Variants in THOC2 observed in about 807,000 individuals in gnomAD.
THOC2 encodes the protein THO complex subunit 2, also known as THO complex 2.
Under a neutral mutation model 128.4 loss-of-function variants are expected in THOC2, and 10 were observed. The observed-to-expected ratio is 0.08, with a 90% CI of 0.05 to 0.13. The LOEUF (loss-of-function observed/expected upper bound fraction) is 0.13. Among genes scored for constraint, THOC2 ranks in the 10% least tolerant of loss-of-function variants. The pLI is 1.00. For synonymous variants in THOC2, 393 were observed against 396.9 expected, an observed-to-expected ratio of 0.99 and a Z score of 0.12; for missense variants, 535 against 1,155.7, an observed-to-expected ratio of 0.46 and a Z score of 7.79.
At chrX:123,703,725 C>CAAAAAAA in intron 3 of THOC2, among the ~76,000 whole-genome samples, 1 of 29,771 alleles carries the variant, frequency 3.4e-5, no homozygotes, top group Non-Finnish European at 5.4e-5. Context: ...CCATCTCTAC[C>CAAAAAAA]AAAAAAAAAA....
chrX:123,669,409 T>C (rs2049174115), intron 9 of THOC2, among the ~76,000 whole-genome samples: 1 of 109,631 alleles, frequency 9.1e-6, no homozygotes, highest in Non-Finnish European at 1.9e-5. Context: ...AATCTCTGCC[T>C]CCCGGCTTCA....
intron 5 of THOC2, among the ~76,000 whole-genome samples, chrX:123,697,342 C>T (rs191784566): frequency 8.9e-6 from 1 of 112,314 alleles, no homozygotes. Context: ...TTACTCTTTG[C>T]TTAACAGTTT....
At chrX:123,698,975 G>A (rs778228104) in intron 4 of THOC2, among the ~76,000 whole-genome samples, 1 of 110,900 alleles carries the variant, frequency 9.0e-6, no homozygotes, top group East Asian at 2.8e-4. Flanking sequence ...TTTAAAAACT[G>A]AGAGTTTCAG....
At chrX:123,609,134 G>A (rs2046600635) in intron 38 of THOC2, among the ~76,000 whole-genome samples, 1 of 111,852 alleles carries the variant, frequency 8.9e-6, no homozygotes, top group African/African-American at 3.3e-5. Flanking sequence ...GATATGAAAG[G>A]TGGGCTTTTT....
chrX:123,652,410 T>C (rs1369720414), intron 12 of THOC2, among the ~76,000 whole-genome samples: 2 of 111,684 alleles, frequency 1.8e-5, no homozygotes, highest in African/African-American at 3.3e-5. Flanking sequence ...CTATTCAACA[T>C]AGTATTGGAA....
At chrX:123,651,421 T>C (rs5958279) in intron 12 of THOC2, among the ~76,000 whole-genome samples, 46,955 of 109,850 alleles carry the variant, frequency 0.43, 8,283 homozygotes, top group East Asian at 0.68. Flanking sequence ...AAACTCAAAA[T>C]CTAGCAGAAG....
intron 3 of THOC2, among the ~76,000 whole-genome samples, chrX:123,705,690 T>A (rs1033714312): frequency 4.9e-4 from 54 of 110,148 alleles, no homozygotes; most frequent in African/African-American, 1.6e-3. Flanking sequence ...CAGCTAAACT[T>A]AGAATTTCCT....
In THOC2 at chrX:123,659,447, T is replaced by C. The variant is rs192884433; in HGVS notation, c.1386+6195A>G. 7.0e-3 allele frequency among the ~76,000 whole-genome samples: 787 copies of C among 112,439 alleles called. 10 individuals carry two copies. The highest frequency in any genetic ancestry group is 0.024 in the African/African-American group (748 of 30,956). ...GTAGCTGGGCACGGTGGCGCGTGCC[T>C]GTAGTCCCAGCTACTTGGGAGGCTG... On this transcript the variant is annotated intron_variant, in intron 12 of 38. Transcript: ENST00000245838.
chrX:123,691,940 A>AGCTGTTTTTAC lies in THOC2; in HGVS notation c.601+4070_601+4080dup, dbSNP rs1048481545. 4.6e-4 allele frequency among the ~76,000 whole-genome samples: 52 copies of AGCTGTTTTTAC among 112,066 alleles called. 1 individual carries two copies. Among genetic ancestry groups the AGCTGTTTTTAC allele is most frequent in the African/African-American group, 1.7e-3 (51 of 30,871 alleles). The stretch of plus-strand genomic sequence containing the variant: ...TCACATTTATTTATGTACTATCTAT[A>AGCTGTTTTTAC]GCTGTTTTTACGCTGTTTTTACACT... On this transcript the variant is annotated intron_variant, in intron 7 of 38. Coordinates refer to ENST00000245838, the MANE Select transcript of THOC2 (RefSeq NM_001081550.2).
intron 1 of THOC2, among the ~76,000 whole-genome samples, chrX:123,726,077 C>T (rs2051967077): frequency 9.0e-6 from 1 of 111,046 alleles, no homozygotes; most frequent in Non-Finnish European, 1.9e-5. Flanking sequence ...GGCTTGGTGG[C>T]CAATGCCTGT....
chrX:123,605,573 AGTATAGGTTCCC>A (rs1230022140), intron 38 of THOC2, among the ~76,000 whole-genome samples: 2 of 111,366 alleles, frequency 1.8e-5, no homozygotes, highest in Non-Finnish European at 3.8e-5. Context: ...TCTTTTAATC[AGTATAGGTTCCC>A]TTCCTATAAA....
At chrX:123,704,815 G>A (rs1460980286) in intron 3 of THOC2, among the ~76,000 whole-genome samples, 2 of 111,785 alleles carry the variant, frequency 1.8e-5, no homozygotes, top group Non-Finnish European at 3.8e-5. Context: ...CCAAGATTGT[G>A]CCACTGCACT....
chrX:123,642,935 CAT>C (rs2047985293), intron 15 of THOC2, among the ~76,000 whole-genome samples: 1 of 111,085 alleles, frequency 9.0e-6, no homozygotes, highest in Non-Finnish European at 1.9e-5. Context: ...CATGTAAACA[CAT>C]AAACTATTCA....
At chrX:123,721,495 A>G (rs2051694361) in intron 1 of THOC2, among the ~76,000 whole-genome samples, 1 of 105,940 alleles carries the variant, frequency 9.4e-6, no homozygotes, top group African/African-American at 3.5e-5. Context: ...TTTTAAGAAC[A>G]CATCCTTTTG....
rs753366301 is a variant in THOC2 at position 123,638,727 on chromosome X, TACAC to T, written c.1840+203_1840+206del. ...TTTATACAACACAAAGACACACACG[TACAC>T]ACACACACACACACACACACTCTCT... On this transcript the variant is annotated intron_variant, in intron 17 of 38. Coordinates refer to ENST00000245838, the MANE Select transcript of THOC2 (RefSeq NM_001081550.2). Among the ~76,000 whole-genome samples the T allele has an allele frequency of 5.7e-3, 464 of 81,378 alleles. 1 individual carries two copies. Among genetic ancestry groups the T allele is most frequent in the Non-Finnish European group, 8.2e-3 (327 of 40,107 alleles). 70.7% of individuals were successfully genotyped at this position (81,378 alleles called of 115,157 possible). A position where few individuals can be genotyped will look rare whatever the true frequency, so the allele number is the denominator to read the frequency against.
intron 31 of THOC2, 32 bp downstream of exon 31, chrX:123,621,125 A>T (rs368925055): frequency 1.7e-5 from 20 of 1,176,281 alleles, no homozygotes; most frequent in Non-Finnish European, 2.3e-5. Context: ...AAATAACAAA[A>T]CGTAAGAACG....
At chrX:123,631,991 G>T in intron 21 of THOC2, 139 bp from the exon 22 acceptor site, 1 of 544,422 alleles carries the variant, frequency 1.8e-6, no homozygotes, top group Non-Finnish European at 2.8e-6. Context: ...ATAACCACAT[G>T]ACCATATTAC....
At chrX:123,718,860 G>T (rs1349800456) in intron 1 of THOC2, among the ~76,000 whole-genome samples, 1 of 110,994 alleles carries the variant, frequency 9.0e-6, no homozygotes, top group Non-Finnish European at 1.9e-5. Flanking sequence ...ATCAAATATG[G>T]GGTTAATATC....
Position 123,626,699 on chromosome X carries a change from T to C in THOC2, c.2758-37A>G, listed in dbSNP as rs370336566. The C allele has an allele frequency of 1.4e-5, 16 of 1,127,023 alleles. 1 individual carries two copies. The African/African-American group carries it at 2.2e-4, about 16-fold the overall frequency. 92.9% of individuals were successfully genotyped at this position (1,127,023 alleles called of 1,213,427 possible). A position where few individuals can be genotyped will look rare whatever the true frequency, so the allele number is the denominator to read the frequency against. On this transcript the variant is annotated intron_variant, in intron 23 of 38. Transcript: ENST00000245838. Reference sequence around the variant, plus strand: ...TCAATTAGACACTTTTCTAACTATATGCACATTACCTTTCTTCTTTTAATT... The same window carrying C: ...TCAATTAGACACTTTTCTAACTATACGCACATTACCTTTCTTCTTTTAATT...
Sources: allele counts gnomAD v4.1 joint callset (sites outside exome capture counted in the v4.1 genomes callset), GRCh38; gene constraint gnomAD v4.1.1; transcripts MANE v1.5; gene names NCBI Gene and HGNC (gene_info 2026-07-23, HGNC 2026-07-21).